Variants in TSHZ3 observed in about 807,000 individuals in gnomAD.
The protein encoded by TSHZ3 is teashirt homolog 3.
TSHZ3 carries 10 observed loss-of-function variants against 64.5 expected under a neutral mutation model. The observed-to-expected ratio is 0.16, with a 90% CI of 0.10 to 0.26. The LOEUF is 0.26. Ranked by LOEUF, TSHZ3 falls within the 10% of genes least tolerant of loss-of-function variation. The pLI, the probability that TSHZ3 is intolerant of heterozygous loss-of-function variation, is 1.00. For synonymous variants in TSHZ3, 608 were observed against 593.1 expected, an observed-to-expected ratio of 1.03 and a Z score of -0.36; for missense variants, 1,242 against 1,421.7, an observed-to-expected ratio of 0.87 and a Z score of 2.03.
intron 1 of TSHZ3, among the ~76,000 whole-genome samples, chr19:31,328,963 C>T (rs971106713): frequency 4.6e-5 from 7 of 152,128 alleles, no homozygotes; most frequent in East Asian, 3.9e-4. Flanking sequence ...ATCTCACTTG[C>T]GGAAGAGTTG....
intron 1 of TSHZ3, among the ~76,000 whole-genome samples, chr19:31,301,759 G>A (rs1976761464): frequency 1.3e-5 from 2 of 152,134 alleles, no homozygotes; most frequent in African/African-American, 4.8e-5. Context: ...ACTTACCATG[G>A]TGATGATGGC....
rs373599917 is a variant in TSHZ3 at position 31,278,397 on chromosome 19, G to C, written c.1396C>G (p.Leu466Val). 6.2e-7 allele frequency: 1 copy of C among 1,614,146 alleles called. No homozygotes were observed. The highest frequency in any genetic ancestry group is 8.5e-7 in the Non-Finnish European group (1 of 1,180,036). ...ACTTCCTTCTTGACCTCCACATTCA[G>C]TTTTGGGGAGATGCTGGCAGGTGTA... ...SNTPASISPK[L>V]NVEVKKEVDK... The change falls in exon 2 of 2, where the codon CTG becomes GTG. Residue 466 changes from leucine to valine, a missense_variant. Leu to Val is a conservative substitution (Grantham distance 32). Coordinates refer to ENST00000240587, the MANE Select transcript of TSHZ3 (RefSeq NM_020856.4). The surrounding 1 kb of genome is among the most constrained non-coding windows in gnomAD (Gnocchi z 4.7).
Position 31,279,381 on chromosome 19 carries a change from G to C in TSHZ3, c.412C>G (p.Leu138Val). ...TTCTTCTCCGAGGAGGGCTGGTGCA[G>C]GTTGAGGTTGAGGTTGGACCAGTAG... ...NSYWSNLNLN[L>V]HQPSSEKNNG... The change falls in exon 2 of 2, where the codon CTG becomes GTG. Residue 138 changes from leucine (L) to valine (V), a missense_variant. Leu to Val is a conservative substitution (Grantham distance 32). Coordinates refer to ENST00000240587, the MANE Select transcript of TSHZ3 (RefSeq NM_020856.4). The surrounding 1 kb of genome is among the most constrained non-coding windows in gnomAD (Gnocchi z 6.4). 3 of 1,614,230 alleles carry C rather than the reference G, an allele frequency of 1.9e-6. No homozygotes were observed. The highest frequency in any genetic ancestry group is 2.5e-6 in the Non-Finnish European group (3 of 1,180,044).
At chr19:31,259,324 T>G (rs1975954830) in intron 1 of TSHZ3, among the ~76,000 whole-genome samples, 1 of 152,138 alleles carries the variant, frequency 6.6e-6, no homozygotes, top group Non-Finnish European at 1.5e-5. Context: ...GCAATTGCAT[T>G]TTTATAGATT....
chr19:31,286,404 G>A (rs1348026812), intron 1 of TSHZ3, among the ~76,000 whole-genome samples: 2 of 152,204 alleles, frequency 1.3e-5, no homozygotes, highest in Non-Finnish European at 2.9e-5. Context: ...GACAAAACAC[G>A]GATCCTGCCT....
At chr19:31,303,507 C>T (rs1311019098) in intron 1 of TSHZ3, among the ~76,000 whole-genome samples, 1 of 152,080 alleles carries the variant, frequency 6.6e-6, no homozygotes, top group African/African-American at 2.4e-5. Context: ...GCACAGGGCC[C>T]ATCTGGCACC....
rs1450365947 is a variant in TSHZ3, at chr19:31,278,370, C to T, written c.1423G>A (p.Asp475Asn). The T allele has an allele frequency of 9.3e-6, 15 of 1,614,040 alleles. No homozygotes were observed. The highest frequency in any genetic ancestry group is 1.3e-5 in the African/African-American group (1 of 74,918). ...KLNVEVKKEV[D>N]KEKAVTDEKP... ...TCGTCAGTGACCGCTTTCTCCTTGTCGACTTCCTTCTTGACCTCCACATTC... is the reference window on the plus strand; with the variant it reads ...TCGTCAGTGACCGCTTTCTCCTTGTTGACTTCCTTCTTGACCTCCACATTC... Residue 475 changes from aspartate to asparagine, a missense_variant, in exon 2 of 2, where the codon GAC becomes AAC. Physicochemically the swap from Asp to Asn is conservative, Grantham distance 23. Coordinates refer to ENST00000240587, the MANE Select transcript of TSHZ3 (RefSeq NM_020856.4). This position sits in a 1 kb window ranked among gnomAD's most constrained non-coding sequence, Gnocchi z 4.7.
intron 4 of TSHZ3, among the ~76,000 whole-genome samples, chr19:31,221,155 G>A (rs1436097774): frequency 6.6e-6 from 1 of 152,160 alleles, no homozygotes; most frequent in Non-Finnish European, 1.5e-5. Flanking sequence ...GATATTATCT[G>A]CAAAATATAA....
chr19:31,252,895 A>T (rs1428345778), intron 1 of TSHZ3, among the ~76,000 whole-genome samples: 1 of 152,200 alleles, frequency 6.6e-6, no homozygotes, highest in Non-Finnish European at 1.5e-5. Flanking sequence ...TCAGCCCACT[A>T]CTGTGTCCTC....
intron 3 of TSHZ3, among the ~76,000 whole-genome samples, chr19:31,235,213 T>A (rs377519171): frequency 6.6e-6 from 1 of 152,330 alleles, no homozygotes; most frequent in African/African-American, 2.4e-5. Context: ...ACACCTAAGA[T>A]TAATTCTCTT....
chr19:31,244,882 C>T (rs1340844191), intron 1 of TSHZ3, among the ~76,000 whole-genome samples: 2 of 152,120 alleles, frequency 1.3e-5, no homozygotes, highest in Non-Finnish European at 2.9e-5. Flanking sequence ...GGGCTCAAGA[C>T]ATCTGCCCAC....
chr19:31,159,702 T>C (rs556214717), intron 5 of TSHZ3, among the ~76,000 whole-genome samples: 1 of 151,276 alleles, frequency 6.6e-6, no homozygotes, highest in South Asian at 2.1e-4. Flanking sequence ...ATTTTTTTTC[T>C]TTTTTTTTCA....
chr19:31,158,013 A>G (rs1974328181), intron 5 of TSHZ3, among the ~76,000 whole-genome samples: 1 of 152,232 alleles, frequency 6.6e-6, no homozygotes, highest in South Asian at 2.1e-4. Flanking sequence ...GCTAAAGTTC[A>G]GGCAGAACAA....
chr19:31,292,690 T>TCTATCCATCCAAAAAC, intron 1 of TSHZ3, among the ~76,000 whole-genome samples: 1 of 151,306 alleles, frequency 6.6e-6, no homozygotes, highest in Non-Finnish European at 1.5e-5. Context: ...GACTTATTCA[T>TCTATCCATCCAAAAAC]CTATCCATCC....
At chr19:31,328,707 T>A (rs1406818562) in intron 1 of TSHZ3, among the ~76,000 whole-genome samples, 1 of 152,210 alleles carries the variant, frequency 6.6e-6, no homozygotes, top group Non-Finnish European at 1.5e-5. Flanking sequence ...CTTCTTTAGG[T>A]AAGGGTCAGG....
At chr19:31,156,994 A>G (rs1002954345) in intron 5 of TSHZ3, among the ~76,000 whole-genome samples, 1 of 152,186 alleles carries the variant, frequency 6.6e-6, no homozygotes, top group African/African-American at 2.4e-5. Flanking sequence ...AAGGGAAAAT[A>G]GGCACTTTCT....
intron 1 of TSHZ3, among the ~76,000 whole-genome samples, chr19:31,248,496 G>A (rs1975787442): frequency 6.6e-6 from 1 of 152,062 alleles, no homozygotes; most frequent in Admixed American, 6.6e-5. Flanking sequence ...GAGAAGCTGT[G>A]TATACAGAAT....
chr19:31,345,741 C>G (rs1167849532), intron 1 of TSHZ3, among the ~76,000 whole-genome samples: 3 of 151,868 alleles, frequency 2.0e-5, no homozygotes, highest in Admixed American at 2.0e-4. Flanking sequence ...TTCACATTTG[C>G]CTCCAGAAAA....
At chr19:31,230,813 C>T (rs185664652) in intron 3 of TSHZ3, among the ~76,000 whole-genome samples, 399 of 151,176 alleles carry the variant, frequency 2.6e-3, no homozygotes, top group Non-Finnish European at 4.6e-3. Context: ...CATTCTCCTG[C>T]CTCAGCCTCC....
Sources: gnomAD v4.1 joint callset for allele counts (sites outside exome capture counted in the v4.1 genomes callset) on GRCh38, gnomAD v4.1.1 for gene constraint, Gnocchi (gnomAD v3.1) non-coding constraint, MANE v1.5 for transcripts, NCBI Gene and HGNC (gene_info 2026-07-23, HGNC 2026-07-21) for gene names.